The following CAST variants were observed in gnomAD, a reference collection of about 807,000 sequenced individuals.
The protein encoded by CAST is MIR583 host.
In CAST, 76 loss-of-function variants were observed where a neutral mutation model predicts 119.6. The observed-to-expected ratio is 0.64, with a 90% CI of 0.53 to 0.77. CAST has a LOEUF of 0.77. CAST is among the 30% of genes least tolerant of loss of function. CAST has a pLI of 0.00. For missense variants in CAST, 953 were observed against 946.5 expected (o/e 1.01, Z -0.09); for synonymous variants, 319 against 331.6 (o/e 0.96, Z 0.41).
the CAST span, among the ~76,000 whole-genome samples, chr5:96,358,762 A>G: frequency 2.0e-5 from 3 of 152,134 alleles, no homozygotes; most frequent in African/African-American, 4.8e-5. Context: ...TATGTGGTCA[A>G]TTTTAGAATA....
chr5:96,021,119 A>G, the CAST span, among the ~76,000 whole-genome samples: 1 of 152,184 alleles, frequency 6.6e-6, no homozygotes, highest in Non-Finnish European at 1.5e-5. Flanking sequence ...TATTAGAAAT[A>G]CAGAATGTGC....
chr5:96,639,407 C>G (rs1747923218), intron 1 of CAST, among the ~76,000 whole-genome samples: 1 of 152,214 alleles, frequency 6.6e-6, no homozygotes, highest in Non-Finnish European at 1.5e-5. Flanking sequence ...CCTGAGTGAG[C>G]TGAAACCCTG....
the CAST span, among the ~76,000 whole-genome samples, chr5:96,259,218 C>G: frequency 6.6e-6 from 1 of 152,150 alleles, no homozygotes; most frequent in African/African-American, 2.4e-5. Context: ...GAGATTGGCT[C>G]TTTTACTAAG....
the CAST span, among the ~76,000 whole-genome samples, chr5:96,057,952 C>A: frequency 1.3e-5 from 2 of 152,114 alleles, no homozygotes; most frequent in Admixed American, 6.6e-5. Context: ...GGTAGAAGAA[C>A]AATCTTCAGA....
intron 1 of CAST, among the ~76,000 whole-genome samples, chr5:96,605,282 A>G (rs1426734360): frequency 6.6e-6 from 1 of 152,206 alleles, no homozygotes; most frequent in African/African-American, 2.4e-5. Context: ...TGCTTTTCAC[A>G]GACTGCATAC....
intron 17 of CAST, 99 bp downstream of exon 17, chr5:96,746,524 C>G: frequency 1.3e-6 from 1 of 797,242 alleles, no homozygotes; most frequent in Non-Finnish European, 2.3e-6. Flanking sequence ...ATGTCTGTCC[C>G]CCATTCAGAT....
At chr5:96,662,913 T>C in intron 1 of CAST, 1 of 587,880 alleles carries the variant, frequency 1.7e-6, no homozygotes, top group Non-Finnish European at 3.0e-6. Flanking sequence ...CAGAGCCTCT[T>C]CCCTAACCAG....
chr5:96,629,332 C>T (rs745876601), intron 1 of CAST, among the ~76,000 whole-genome samples: 7 of 152,136 alleles, frequency 4.6e-5, no homozygotes, highest in Non-Finnish European at 7.3e-5. Context: ...GCTGAATAAA[C>T]TTCTGTTCTA....
chr5:96,541,551 T>C (rs1745913434), intron 1 of CAST, among the ~76,000 whole-genome samples: 3 of 152,334 alleles, frequency 2.0e-5, no homozygotes, highest in South Asian at 2.1e-4. Flanking sequence ...CATCAGGTCA[T>C]GTATTCACCA....
rs1435923529 is a variant in CAST at position 96,727,503 on chromosome 5, A to G, written c.351A>G (p.Glu117=). Residue 117 remains glutamate (E), a synonymous_variant, in exon 6 of 32, where the codon GAA becomes GAG. Transcript: ENST00000675179. ...KKHKKQAVKT[E]PEKKSQSTKL... ...TCTGAACTTAGGCTGTAAAAACAGA[A>G]CCTGAGAAGAAGTCACAGTCAACCA... 6.4e-7 allele frequency: 1 copy of G among 1,559,476 alleles called. No individual in the cohort carries two copies. Among genetic ancestry groups the G allele is most frequent in the Admixed American group, 1.8e-5 (1 of 55,154 alleles).
intron 1 of CAST, among the ~76,000 whole-genome samples, chr5:96,609,483 G>A (rs1323821478): frequency 6.6e-6 from 1 of 152,176 alleles, no homozygotes; most frequent in Non-Finnish European, 1.5e-5. Flanking sequence ...GATCCAGTAT[G>A]TCTGAGGTGG....
chr5:96,204,881 C>T, the CAST span, among the ~76,000 whole-genome samples: 1 of 152,018 alleles, frequency 6.6e-6, no homozygotes, highest in Non-Finnish European at 1.5e-5. Flanking sequence ...ATTTATTAGT[C>T]CAGCATCTAT....
At chr5:96,056,020 G>C in the CAST span, among the ~76,000 whole-genome samples, 215 of 152,112 alleles carry the variant, frequency 1.4e-3, no homozygotes, top group Middle Eastern at 3.4e-3. Context: ...AAACACCCCA[G>C]TATCCTCTTT....
intron 1 of CAST, among the ~76,000 whole-genome samples, chr5:96,595,036 G>A (rs552535318): frequency 1.3e-5 from 2 of 152,154 alleles, no homozygotes; most frequent in Non-Finnish European, 2.9e-5. Context: ...AATTGGCCCT[G>A]GATTTGAACA....
chr5:96,221,843 C>G, the CAST span, among the ~76,000 whole-genome samples: 2 of 152,068 alleles, frequency 1.3e-5, no homozygotes, highest in African/African-American at 2.4e-5. Flanking sequence ...TAACACACCA[C>G]CTGACTTCAA....
chr5:96,590,195 C>A (rs907358061), intron 1 of CAST, among the ~76,000 whole-genome samples: 3 of 152,228 alleles, frequency 2.0e-5, no homozygotes, highest in African/African-American at 7.2e-5. Flanking sequence ...ACCACACTGG[C>A]ATCATCTGGG....
the CAST span, among the ~76,000 whole-genome samples, chr5:96,145,356 TAAA>T: frequency 6.7e-6 from 1 of 149,888 alleles, no homozygotes; most frequent in African/African-American, 2.5e-5. Context: ...CTCCCTTAAC[TAAA>T]CTCTATTGAA....
chr5:96,768,044 G>A, intron 29 of CAST, 45 bp downstream of exon 29: 3 of 1,174,408 alleles, frequency 2.6e-6, no homozygotes, highest in Non-Finnish European at 2.6e-6. Flanking sequence ...GTGTGTGTGT[G>A]TATGTGTACA....
the CAST span, among the ~76,000 whole-genome samples, chr5:96,022,819 T>C: frequency 6.6e-6 from 1 of 152,224 alleles, no homozygotes; most frequent in African/African-American, 2.4e-5. Flanking sequence ...TGTTTCAGTC[T>C]TGTGGAATTC....
Sources: gnomAD v4.1 joint callset for allele counts (sites outside exome capture counted in the v4.1 genomes callset) on GRCh38, gnomAD v4.1.1 for gene constraint, MANE v1.5 for transcripts, NCBI Gene and HGNC (gene_info 2026-07-23, HGNC 2026-07-21) for gene names.